Variants in BIRC6 observed in about 807,000 individuals in gnomAD.
BIRC6 encodes the protein baculoviral IAP repeat containing 6.
BIRC6 carries 98 observed loss-of-function variants against 503.3 expected under a neutral mutation model. That is an observed-to-expected ratio of 0.19 (90% CI 0.17 to 0.23). BIRC6 has a LOEUF of 0.23. BIRC6 is among the 10% of genes least tolerant of loss of function. BIRC6 has a pLI of 1.00. For missense variants in BIRC6, 5,360 were observed against 5,806.0 expected, an observed-to-expected ratio of 0.92 and a Z score of 2.50; for synonymous variants, 2,240 against 2,078.7, an observed-to-expected ratio of 1.08 and a Z score of -2.11.
intron 35 of BIRC6, among the ~76,000 whole-genome samples, chr2:32,477,964 A>G (rs2049953826): frequency 6.6e-6 from 1 of 152,156 alleles, no homozygotes; most frequent in Non-Finnish European, 1.5e-5. Context: ...AAATGTAAGT[A>G]ATGTGGATAT....
At chr2:32,458,990 T>C (rs1346481289) in intron 23 of BIRC6, among the ~76,000 whole-genome samples, 1 of 152,158 alleles carries the variant, frequency 6.6e-6, no homozygotes, top group Non-Finnish European at 1.5e-5. Context: ...GTGCCCAGCC[T>C]CTATTGTCTT....
chr2:32,479,225 TTAAAA>T lies in BIRC6; in HGVS notation c.7253-233_7253-229del, dbSNP rs373024999. 3.2e-3 allele frequency among the ~76,000 whole-genome samples: 487 copies of T among 152,328 alleles called. 4 individuals carry two copies. The highest frequency in any genetic ancestry group is 0.014 in the Middle Eastern group (4 of 294). On this transcript the variant is annotated intron_variant, in intron 36 of 73. Coordinates refer to ENST00000421745, the MANE Select transcript of BIRC6 (RefSeq NM_016252.4). The stretch of plus-strand genomic sequence containing the variant: ...AAGCGTGTTAATGTATGTACAGTAA[TTAAAA>T]TAACTCTTTGTACATGTTATGTGTT...
chr2:32,469,302 C>G lies in BIRC6; in HGVS notation c.6128-93C>G, dbSNP rs1023033705. 6 of 901,240 alleles carry G rather than the reference C, an allele frequency of 6.7e-6. No homozygotes were observed. The Admixed American group carries it at 8.8e-5, about 13-fold the overall frequency. 55.8% of individuals were successfully genotyped at this position (901,240 alleles called of 1,614,324 possible). On this transcript the variant is annotated intron_variant, in intron 29 of 73. Transcript: ENST00000421745. ...ATAGAATATAATTATCTACTGATTA[C>G]TAGAAAAGAGGAAAGTGTATTTAGG...
In BIRC6 at chr2:32,463,240, G is replaced by C. The variant is rs375159430; in HGVS notation, c.4800G>C (p.Gly1600=). Residue 1600 remains glycine, a synonymous_variant, in exon 24 of 74, where the codon GGG becomes GGC. Transcript: ENST00000421745. ...VTPAVGGLSS[G]TVGEASTALS... ...CTGCAGTAGGTGGACTATCATCTGG[G>C]ACAGTTGGGGAAGCCTCGACAGCCC... The C allele has an allele frequency of 6.2e-7, 1 of 1,613,440 alleles. No homozygotes were observed. Among genetic ancestry groups the C allele is most frequent in the Non-Finnish European group, 8.5e-7 (1 of 1,179,724 alleles).
At position 32,388,826 on chromosome 2, in the gene BIRC6, A is replaced by G. The variant is rs2038843651; in HGVS notation, c.722A>G (p.Lys241Arg). 6.2e-7 allele frequency: 1 copy of G among 1,613,426 alleles called. No individual in the cohort carries two copies. Among genetic ancestry groups the G allele is most frequent in the Non-Finnish European group, 8.5e-7 (1 of 1,179,600 alleles). The change falls in exon 4 of 74, where the codon AAA becomes AGA. Residue 241 changes from lysine to arginine, a missense_variant. This residue lies in a region of BIRC6 where 134 missense variants were observed against 150.9 expected (regional missense o/e 0.89). Transcript: ENST00000421745. ...IASAIVNELKKINQNVAALPV... is the reference protein window; with the variant it reads ...IASAIVNELKRINQNVAALPV... ...AGTGCCATTGTAAATGAACTCAAGAAAATAAATCAAAATGTTGCTGCCTTA... is the reference window on the plus strand; with the variant it reads ...AGTGCCATTGTAAATGAACTCAAGAGAATAAATCAAAATGTTGCTGCCTTA...
Position 32,515,491 on chromosome 2 carries a change from G to A in BIRC6, c.11070G>A (p.Leu3690=). The A allele has an allele frequency of 6.2e-7, 1 of 1,613,784 alleles. No individual in the cohort carries two copies. Among genetic ancestry groups the A allele is most frequent in the Non-Finnish European group, 8.5e-7 (1 of 1,179,866 alleles). ...TAGTTGCTCCTATTCTTAGGTTTTT[G>A]ACAGAAGTTGGCAATAGCCATATTA... ...ADLVAPILRF[L]TEVGNSHIMK... is the part of the protein sequence containing the mutation. Residue 3690 remains leucine, a synonymous_variant, in exon 55 of 74, where the codon TTG becomes TTA. Transcript: ENST00000421745.
rs369904822 is a variant in BIRC6 at position 32,607,434 on chromosome 2, T to C, written c.14071-21T>C. 3.0e-5 allele frequency: 44 copies of C among 1,464,886 alleles called. No individual in the cohort carries two copies. The African/African-American group carries it at 5.7e-4, about 19-fold the overall frequency. The allele number at this position is 1,464,886 out of a possible 1,614,324, so 90.7% of individuals were successfully genotyped here. On this transcript the variant is annotated intron_variant, in intron 71 of 73. Coordinates refer to ENST00000421745, the MANE Select transcript of BIRC6 (RefSeq NM_016252.4). ...CAGTAAAAATGTCCCATCATAGCTG[T>C]TCTTTTCCTTTATTCTTTAGGTGTT...
chr2:32,556,234 A>G (rs1458590952), intron 65 of BIRC6, among the ~76,000 whole-genome samples: 1 of 152,212 alleles, frequency 6.6e-6, no homozygotes. Context: ...TCTGTGTTAA[A>G]TAATTATGAC....
intron 16 of BIRC6, 21 bp downstream of exon 16, chr2:32,439,707 A>G: frequency 6.3e-7 from 1 of 1,599,072 alleles, no homozygotes. Flanking sequence ...GTCATTTTGA[A>G]CAATAACAAT....
chr2:32,590,718 T>C, intron 66 of BIRC6: 1 of 903,716 alleles, frequency 1.1e-6, no homozygotes, highest in Non-Finnish European at 1.3e-6. Context: ...ATTAGCTATT[T>C]AGTTGGAATT....
chr2:32,543,610 C>T (rs1432508162), intron 62 of BIRC6, 69 bp downstream of exon 62: 23 of 1,418,402 alleles, frequency 1.6e-5, no homozygotes, highest in Non-Finnish European at 2.1e-5. Context: ...CAGATCATTG[C>T]CTATTATTCA....
chr2:32,446,892 C>A (rs968387390), intron 21 of BIRC6, among the ~76,000 whole-genome samples: 2 of 126,310 alleles, frequency 1.6e-5, no homozygotes, highest in African/African-American at 6.1e-5. Context: ...AGGCAGAGGA[C>A]CCTGCGGCCT....
intron 33 of BIRC6, among the ~76,000 whole-genome samples, chr2:32,473,953 C>T (rs1286806029): frequency 1.3e-5 from 2 of 151,484 alleles, no homozygotes; most frequent in East Asian, 1.9e-4. Context: ...GATGGGGTCT[C>T]GCTTTGTTGC....
chr2:32,496,740 T>TC (rs1412939774), intron 45 of BIRC6, among the ~76,000 whole-genome samples: 1 of 152,186 alleles, frequency 6.6e-6, no homozygotes, highest in Non-Finnish European at 1.5e-5. Context: ...CAGAAAAAAA[T>TC]CATTTTGAGT....
In BIRC6 at chr2:32,578,851, CAG is replaced by C. The variant is rs1196786476; in HGVS notation, c.13355+3487_13355+3488del. On this transcript the variant is annotated intron_variant, in intron 66 of 73. Transcript: ENST00000421745. ...ACATACATACTATGTATCACACACT[CAG>C]AAACATTTTACAATATTTCTGTCTC... Among the ~76,000 whole-genome samples, 5 of 151,502 alleles carry C rather than the reference CAG, an allele frequency of 3.3e-5. No individual in the cohort carries two copies. In the East Asian group the frequency reaches 9.7e-4, roughly 29 times the overall value.
chr2:32,504,397 G>T (rs1188481658), intron 49 of BIRC6, among the ~76,000 whole-genome samples: 2 of 152,014 alleles, frequency 1.3e-5, no homozygotes, highest in African/African-American at 2.4e-5. Context: ...GCTGGGCGCG[G>T]TGGCTCATGC....
intron 23 of BIRC6, among the ~76,000 whole-genome samples, chr2:32,458,602 TAGTA>T (rs1207439035): frequency 3.3e-5 from 5 of 151,856 alleles, no homozygotes; most frequent in Admixed American, 1.3e-4. Context: ...GTTGCCTCTG[TAGTA>T]AGTATCTCAT....
chr2:32,365,531 G>A (rs1353023565), intron 1 of BIRC6, among the ~76,000 whole-genome samples: 1 of 152,116 alleles, frequency 6.6e-6, no homozygotes, highest in African/African-American at 2.4e-5. Flanking sequence ...ATGTTGGCCA[G>A]GCTGGTCTCG....
At chr2:32,548,225 T>A (rs1053667152) in intron 64 of BIRC6, among the ~76,000 whole-genome samples, 3 of 151,998 alleles carry the variant, frequency 2.0e-5, no homozygotes, top group Non-Finnish European at 4.4e-5. Flanking sequence ...GCTTCTTCAC[T>A]GAGAGGAAAG....
Sources: gnomAD v4.1 joint callset for allele counts (sites outside exome capture counted in the v4.1 genomes callset) on GRCh38, gnomAD v4.1.1 for gene constraint, gnomAD v4.1.1 regional missense constraint, MANE v1.5 for transcripts, NCBI Gene and HGNC (gene_info 2026-07-23, HGNC 2026-07-21) for gene names.